Variants in ZNF804B observed in about 807,000 individuals in gnomAD.
ZNF804B encodes zinc finger 804B.
ZNF804B carries 80 observed loss-of-function variants against 101.4 expected under a neutral mutation model. The ratio of observed to expected loss-of-function variants is 0.79; its 90% CI spans 0.66 to 0.95. The LOEUF (loss-of-function observed/expected upper bound fraction) is 0.95. ZNF804B is among the 40% of genes least tolerant of loss of function. The pLI is 0.00. For missense variants in ZNF804B, 1,673 were observed against 1,561.9 expected (o/e 1.07, Z -1.20); for synonymous variants, 622 against 558.8 (o/e 1.11, Z -1.59).
rs966202496 is a variant in ZNF804B at position 89,189,859 on chromosome 7, C to A, written c.109-28296C>A. The stretch of plus-strand genomic sequence containing the variant: ...CACTCTGTAGCCTATGTAATTTCAA[C>A]TATCAAGCCCTACTATTTAATGAAA... On this transcript the variant is annotated intron_variant, in intron 1 of 3. Coordinates refer to ENST00000333190, the MANE Select transcript of ZNF804B (RefSeq NM_181646.5). 2.0e-5 allele frequency among the ~76,000 whole-genome samples: 3 copies of A among 152,084 alleles called. No individual in the cohort carries two copies. In the South Asian group the frequency reaches 6.2e-4, roughly 31 times the overall value.
intron 1 of ZNF804B, among the ~76,000 whole-genome samples, chr7:89,063,052 G>A (rs147323869): frequency 4.8e-4 from 73 of 152,166 alleles, no homozygotes; most frequent in African/African-American, 1.7e-3. Flanking sequence ...ATTGTTGTAA[G>A]AAGTAGGATA....
intron 1 of ZNF804B, among the ~76,000 whole-genome samples, chr7:88,893,289 A>G (rs11760976): frequency 0.44 from 66,628 of 151,840 alleles, 16,088 homozygotes; most frequent in African/African-American, 0.64. Flanking sequence ...GCATTTCAAA[A>G]ATATGTCATC....
intron 2 of ZNF804B, among the ~76,000 whole-genome samples, chr7:89,277,933 C>A (rs1306995195): frequency 6.6e-6 from 1 of 152,076 alleles, no homozygotes; most frequent in African/African-American, 2.4e-5. Flanking sequence ...ACACTGACTT[C>A]CACAATGGTT....
chr7:88,936,091 A>G (rs938861899), intron 1 of ZNF804B, among the ~76,000 whole-genome samples: 1 of 110,672 alleles, frequency 9.0e-6, no homozygotes, highest in Non-Finnish European at 1.8e-5. Context: ...TCCTTCCTTC[A>G]TCTTTCTTCC....
chr7:88,972,280 C>T (rs1793550794), intron 1 of ZNF804B, among the ~76,000 whole-genome samples: 1 of 151,514 alleles, frequency 6.6e-6, no homozygotes, highest in African/African-American at 2.4e-5. Flanking sequence ...CTCTTTTAAA[C>T]TGTTTCCAGT....
intron 1 of ZNF804B, among the ~76,000 whole-genome samples, chr7:89,100,219 A>AGT (rs1467702641): frequency 6.6e-6 from 1 of 152,186 alleles, no homozygotes; most frequent in African/African-American, 2.4e-5. Flanking sequence ...GGGAAAAGGC[A>AGT]GTCTCTTCAA....
chr7:89,045,514 T>C (rs746263482), intron 1 of ZNF804B, among the ~76,000 whole-genome samples: 3 of 152,184 alleles, frequency 2.0e-5, no homozygotes, highest in Non-Finnish European at 4.4e-5. Context: ...GGGGACCATG[T>C]CCTGCAAAGC....
chr7:88,983,363 G>T (rs889289930), intron 1 of ZNF804B, among the ~76,000 whole-genome samples: 1 of 152,004 alleles, frequency 6.6e-6, no homozygotes, highest in African/African-American at 2.4e-5. Context: ...AACACAGAAT[G>T]TTAGGCCCTA....
intron 1 of ZNF804B, among the ~76,000 whole-genome samples, chr7:88,811,833 G>A (rs909971269): frequency 6.6e-6 from 1 of 152,094 alleles, no homozygotes; most frequent in African/African-American, 2.4e-5. Context: ...ACAGGGGAGG[G>A]AGAGCATCAG....
rs1789726123 is a variant in ZNF804B at position 89,083,391 on chromosome 7, C to T, written c.109-134764C>T. On this transcript the variant is annotated intron_variant, in intron 1 of 3. Coordinates refer to ENST00000333190, the MANE Select transcript of ZNF804B (RefSeq NM_181646.5). Reference sequence around the variant, plus strand: ...TAATTTCTGTTCCTTTCTCCAAATGCACTCTCTTGGTTCTGGGTTTCTGAT... The same window carrying T: ...TAATTTCTGTTCCTTTCTCCAAATGTACTCTCTTGGTTCTGGGTTTCTGAT... Among the ~76,000 whole-genome samples, 10 of 151,730 alleles carry T rather than the reference C, an allele frequency of 6.6e-5. No individual in the cohort carries two copies. In the Admixed American group the frequency reaches 6.6e-4, roughly 10 times the overall value.
intron 1 of ZNF804B, among the ~76,000 whole-genome samples, chr7:89,117,555 C>G (rs1022179059): frequency 6.6e-6 from 1 of 152,186 alleles, no homozygotes; most frequent in Non-Finnish European, 1.5e-5. Flanking sequence ...AGCCATTACT[C>G]AGTATGATAC....
At chr7:89,110,343 A>G (rs1367101987) in intron 1 of ZNF804B, among the ~76,000 whole-genome samples, 1 of 152,226 alleles carries the variant, frequency 6.6e-6, no homozygotes, top group East Asian at 1.9e-4. Context: ...GTACCATGGT[A>G]AAATTTGCAA....
rs541953755 is a variant in ZNF804B, at chr7:89,189,406, T to G, written c.109-28749T>G. Among the ~76,000 whole-genome samples, 10 of 152,264 alleles carry G rather than the reference T, an allele frequency of 6.6e-5. No homozygotes were observed. In the East Asian group the frequency reaches 1.7e-3, roughly 27 times the overall value. ...AAAATATAATTTTAGGTAGTTTACT[T>G]GAACCAAGATGAGGCAGCTGCTCGG... On this transcript the variant is annotated intron_variant, in intron 1 of 3. Transcript: ENST00000333190.
chr7:88,862,510 T>C (rs893608565), intron 1 of ZNF804B, among the ~76,000 whole-genome samples: 2 of 152,190 alleles, frequency 1.3e-5, no homozygotes, highest in Non-Finnish European at 2.9e-5. Flanking sequence ...GCTAATACTA[T>C]AGATACAACA....
Position 88,867,731 on chromosome 7 carries a change from A to T in ZNF804B, c.108+107647A>T, listed in dbSNP as rs1040940489. ...AATGTTAGTAATAACAATAACAATA[A>T]AAAAGCACATTTTATTGAGTTCTTA... On this transcript the variant is annotated intron_variant, in intron 1 of 3. Coordinates refer to ENST00000333190, the MANE Select transcript of ZNF804B (RefSeq NM_181646.5). Among the ~76,000 whole-genome samples the T allele has an allele frequency of 8.5e-5, 13 of 152,200 alleles. No homozygotes were observed. The East Asian group carries it at 2.3e-3, about 27-fold the overall frequency.
At chr7:89,098,419 C>G (rs982361883) in intron 1 of ZNF804B, among the ~76,000 whole-genome samples, 2 of 151,780 alleles carry the variant, frequency 1.3e-5, no homozygotes. Context: ...ATTGCAGGTG[C>G]GTGCCACCAC....
chr7:89,336,041 C>T lies in ZNF804B; in HGVS notation c.3059C>T (p.Thr1020Ile). Residue 1020 changes from threonine to isoleucine, a missense_variant, in exon 4 of 4, where the codon ACT becomes ATT. Transcript: ENST00000333190. Reference protein sequence around the residue: ...HTNNFTILADTDCDNHLSKGI... With the variant: ...HTNNFTILADIDCDNHLSKGI... ...AATAATTTTACAATTTTAGCAGACACTGATTGTGATAACCATCTTTCTAAA... is the reference window on the plus strand; with the variant it reads ...AATAATTTTACAATTTTAGCAGACATTGATTGTGATAACCATCTTTCTAAA... The T allele has an allele frequency of 6.2e-7, 1 of 1,613,976 alleles. No homozygotes were observed. The highest frequency in any genetic ancestry group is 1.1e-5 in the South Asian group (1 of 91,090).
At chr7:88,843,872 T>C (rs1284706177) in intron 1 of ZNF804B, among the ~76,000 whole-genome samples, 2 of 152,146 alleles carry the variant, frequency 1.3e-5, no homozygotes, top group African/African-American at 4.8e-5. Context: ...AAGATCCCTA[T>C]TGATGCCGTT....
At chr7:88,814,744 GATAAT>G (rs1384858124) in intron 1 of ZNF804B, among the ~76,000 whole-genome samples, 1 of 151,834 alleles carries the variant, frequency 6.6e-6, no homozygotes, top group Non-Finnish European at 1.5e-5. Flanking sequence ...AGCAAAATTT[GATAAT>G]ATTAAGTGTC....
Sources: gnomAD v4.1 joint callset for allele counts (sites outside exome capture counted in the v4.1 genomes callset) on GRCh38, gnomAD v4.1.1 for gene constraint, MANE v1.5 for transcripts, NCBI Gene and HGNC (gene_info 2026-07-23, HGNC 2026-07-21) for gene names.